Variants in CAGE1 observed in about 807,000 individuals in gnomAD.
CAGE1 encodes cancer antigen 1, also known as cancer-associated gene 1 protein.
Under a neutral mutation model 94.9 loss-of-function variants are expected in CAGE1, and 66 were observed. That is an observed-to-expected ratio of 0.70 (90% confidence interval 0.57 to 0.85). The LOEUF (loss-of-function observed/expected upper bound fraction) is 0.85, where lower values mean the gene tolerates loss of function less well. Among genes scored for constraint, CAGE1 ranks in the 40% least tolerant of loss-of-function variants. The pLI, the probability that CAGE1 is intolerant of heterozygous loss-of-function variation, is 0.00. For synonymous variants in CAGE1, 319 were observed against 321.0 expected (o/e 0.99, Z 0.07); for missense variants, 865 against 950.4 (o/e 0.91, Z 1.18).
In CAGE1 at chr6:7,326,699, A is replaced by C. The variant is rs1031625814; in HGVS notation, c.*159T>G. ...ATATATTTGATTATTCACAGGAAGAAATTAGAAGAAAAGTAATCACATCTT... is the reference window on the plus strand; with the variant it reads ...ATATATTTGATTATTCACAGGAAGACATTAGAAGAAAAGTAATCACATCTT... On this transcript the variant is annotated 3_prime_UTR_variant, in exon 14 of 14. Transcript: ENST00000502583. 1.4e-5 allele frequency: 9 copies of C among 642,506 alleles called. No homozygotes were observed. The highest frequency in any genetic ancestry group is 2.5e-5 in the Non-Finnish European group (9 of 359,052). The allele number at this position is 642,506 out of a possible 1,614,324, so 39.8% of individuals were successfully genotyped here. A position where few individuals can be genotyped will look rare whatever the true frequency, so the allele number is the denominator to read the frequency against.
chr6:7,353,796 C>T (rs141844900), intron 11 of CAGE1, among the ~76,000 whole-genome samples: 2 of 151,254 alleles, frequency 1.3e-5, no homozygotes, highest in African/African-American at 2.4e-5. Flanking sequence ...TTTGCAGTGA[C>T]CTGGATGAGA....
At chr6:7,355,174 A>G (rs1759908095) in intron 10 of CAGE1, 63 bp from the exon 11 acceptor site, 2 of 1,165,214 alleles carry the variant, frequency 1.7e-6, no homozygotes, top group Middle Eastern at 2.4e-4. Context: ...TTTCTTTTTT[A>G]TGACTACAAG....
intron 11 of CAGE1, among the ~76,000 whole-genome samples, chr6:7,343,954 CACAG>C (rs926502465): frequency 2.0e-5 from 3 of 152,346 alleles, no homozygotes; most frequent in East Asian, 3.9e-4. Flanking sequence ...TCATCAAAAA[CACAG>C]ACAGCACGTA....
intron 9 of CAGE1, among the ~76,000 whole-genome samples, chr6:7,356,814 T>G (rs1759969504): frequency 6.6e-6 from 1 of 152,174 alleles, no homozygotes; most frequent in Admixed American, 6.5e-5. Flanking sequence ...TTTATTTATT[T>G]ATTTGAGATG....
In CAGE1 at chr6:7,339,083, G is replaced by T. The variant is rs534455138; in HGVS notation, c.2370-4993C>A. The T allele has an allele frequency of 1.1e-5, 18 of 1,598,862 alleles. 1 individual carries two copies. In the South Asian group the frequency reaches 1.7e-4, roughly 15 times the overall value. On this transcript the variant is annotated intron_variant, in intron 11 of 13. Transcript: ENST00000502583. This position sits in a 1 kb window ranked among gnomAD's most constrained non-coding sequence, Gnocchi z 4.7. ...CAGTGTCAACGTAGTAGTTAACAGG[G>T]TCTCTGCTGTGGATCATCAGGCCGT...
chr6:7,387,104 G>T lies in CAGE1; in HGVS notation c.70C>A (p.His24Asn). The part of the protein sequence containing the change: ...DPVHFEVDTS[H>N]EKVESMSESD... Reference sequence around the variant, plus strand: ...TCTGACATGCTTTCTACTTTTTCATGAGAAGTATCCACTTCAAAATGTACA... The same window carrying T: ...TCTGACATGCTTTCTACTTTTTCATTAGAAGTATCCACTTCAAAATGTACA... The change falls in exon 2 of 14, where the codon CAT becomes AAT. Residue 24 changes from histidine (H) to asparagine (N), a missense_variant. By Grantham distance (68) the His-to-Asn change is moderately conservative. Coordinates refer to ENST00000502583, the MANE Select transcript of CAGE1 (RefSeq NM_001170692.2). The T allele has an allele frequency of 1.3e-6, 2 of 1,551,174 alleles. No homozygotes were observed. The highest frequency in any genetic ancestry group is 1.7e-4 in the Middle Eastern group (1 of 5,990).
At chr6:7,352,317 A>AAAAAAAAAAAC (rs1759809958) in intron 11 of CAGE1, among the ~76,000 whole-genome samples, 1 of 89,668 alleles carries the variant, frequency 1.1e-5, no homozygotes, top group East Asian at 5.5e-4. Flanking sequence ...AAAAAAAAAC[A>AAAAAAAAAAAC]AAAAAAAAAA....
intron 5 of CAGE1, among the ~76,000 whole-genome samples, chr6:7,370,663 C>T (rs922340593): frequency 3.3e-5 from 5 of 152,140 alleles, no homozygotes; most frequent in Admixed American, 1.3e-4. Flanking sequence ...AAGAATGGCA[C>T]TGCTTTGCAT....
At chr6:7,346,154 C>T (rs1490216656) in intron 11 of CAGE1, among the ~76,000 whole-genome samples, 1 of 152,094 alleles carries the variant, frequency 6.6e-6, no homozygotes, top group Non-Finnish European at 1.5e-5. Flanking sequence ...GCAAAACAGC[C>T]TGATAATTTT....
chr6:7,378,776 G>T lies in CAGE1; in HGVS notation c.528C>A (p.Asp176Glu), dbSNP rs1760840199. ...PMETSVSANT[D>E]QLGNEYFRQP... ...GTCTAAAATACTCGTTACCAAGTTG[G>T]TCTGTATTTGCAGAAACACTAGTTT... Residue 176 changes from aspartate (D) to glutamate (E), a missense_variant, in exon 4 of 14, where the codon GAC becomes GAA. By Grantham distance (45) the Asp-to-Glu change is conservative (BLOSUM62 2). Coordinates refer to ENST00000502583, the MANE Select transcript of CAGE1 (RefSeq NM_001170692.2). 1 of 1,613,898 alleles carries T rather than the reference G, an allele frequency of 6.2e-7. No individual in the cohort carries two copies. Among genetic ancestry groups the T allele is most frequent in the Non-Finnish European group, 8.5e-7 (1 of 1,179,866 alleles).
chr6:7,330,972 A>T (rs943896867), intron 12 of CAGE1, among the ~76,000 whole-genome samples: 27 of 152,240 alleles, frequency 1.8e-4, no homozygotes, highest in African/African-American at 6.3e-4. Flanking sequence ...TGTTTCTCTC[A>T]GCAACTCAGA....
intron 11 of CAGE1, chr6:7,338,696 C>T (rs1454295121): frequency 1.6e-6 from 1 of 620,624 alleles, no homozygotes; most frequent in East Asian, 2.8e-5. Context: ...AATCTTTTAT[C>T]CCTCACCCCC....
At chr6:7,342,194 T>C (rs913907016) in intron 11 of CAGE1, 1 of 947,052 alleles carries the variant, frequency 1.1e-6, no homozygotes, top group African/African-American at 1.6e-5. Flanking sequence ...TGCCCATATC[T>C]GACATCACCC....
chr6:7,343,184 G>C (rs1759251046), intron 11 of CAGE1, among the ~76,000 whole-genome samples: 1 of 54,134 alleles, frequency 1.8e-5, no homozygotes, highest in African/African-American at 1.1e-4. Context: ...GCGAGACTCT[G>C]TCCCACAAAA....
chr6:7,341,783 A>C, intron 11 of CAGE1: 2 of 685,450 alleles, frequency 2.9e-6, no homozygotes, highest in Non-Finnish European at 5.6e-6. Flanking sequence ...AAGACAGAGC[A>C]GCAGCCATTT....
intron 11 of CAGE1, among the ~76,000 whole-genome samples, chr6:7,348,696 A>G (rs4960303): frequency 0.36 from 54,330 of 151,940 alleles, 9,896 homozygotes; most frequent in Admixed American, 0.42. Context: ...AGAAATATTC[A>G]AGGAAATAGA....
chr6:7,361,512 C>A (rs1377528679), intron 9 of CAGE1, among the ~76,000 whole-genome samples: 1 of 152,150 alleles, frequency 6.6e-6, no homozygotes, highest in Non-Finnish European at 1.5e-5. Flanking sequence ...AGTATTCCAT[C>A]AAGATGTAAA....
chr6:7,333,654 A>C (rs7454995), intron 12 of CAGE1, among the ~76,000 whole-genome samples: 4,395 of 99,234 alleles, frequency 0.044, 188 homozygotes, highest in Admixed American at 0.12. Context: ...ATATATATAT[A>C]TATATATATA....
intron 11 of CAGE1, among the ~76,000 whole-genome samples, chr6:7,346,290 C>CA (rs1491197787): frequency 2.6e-5 from 4 of 152,204 alleles, no homozygotes; most frequent in African/African-American, 9.7e-5. Context: ...TGCAGTGACT[C>CA]ACGCCTGTAA....
Sources: gnomAD v4.1 joint callset for allele counts (sites outside exome capture counted in the v4.1 genomes callset) on GRCh38, gnomAD v4.1.1 for gene constraint, Gnocchi (gnomAD v3.1) non-coding constraint, MANE v1.5 for transcripts, NCBI Gene and HGNC (gene_info 2026-07-23, HGNC 2026-07-21) for gene names.